The following HERC2 variants were observed in gnomAD, a reference collection of about 807,000 sequenced individuals.
The protein encoded by HERC2 is HECT and RLD domain containing E3 ubiquitin protein ligase 2.
Under a neutral mutation model 537.7 loss-of-function variants are expected in HERC2, and 102 were observed. The ratio of observed to expected loss-of-function variants is 0.19; its 90% CI spans 0.16 to 0.22. The LOEUF (loss-of-function observed/expected upper bound fraction) is 0.22. Ranked by LOEUF, HERC2 falls within the 10% of genes least tolerant of loss-of-function variation. The probability of loss-of-function intolerance (pLI) is 1.00; values close to 1 mark genes in which losing one functional copy is unlikely to be tolerated. For synonymous variants in HERC2, 2,224 were observed against 2,466.2 expected (o/e 0.90, Z 2.91); for missense variants, 4,236 against 6,198.2 (o/e 0.68, Z 10.63).
chr15:28,139,895 CT>C (rs1891024166), intron 78 of HERC2, among the ~76,000 whole-genome samples: 2 of 132,308 alleles, frequency 1.5e-5, no homozygotes, highest in African/African-American at 7.5e-5. Context: ...CCCATCTCTA[CT>C]AAAAAAAAAA....
In HERC2 at chr15:28,158,389, C is replaced by CT. The variant is rs534335049; in HGVS notation, c.10746+4704dup. Among the ~76,000 whole-genome samples the CT allele has an allele frequency of 4.9e-4, 74 of 152,276 alleles. No individual in the cohort carries two copies. The East Asian group carries it at 9.5e-3, about 19-fold the overall frequency. On this transcript the variant is annotated intron_variant, in intron 69 of 92. Transcript: ENST00000261609. ...GGAGTCGAAGTCTCTTTGTGGGTCT[C>CT]TAAGGACTTGCTTTATGAATCTGGG...
At chr15:28,240,374 C>T (rs910782740) in intron 23 of HERC2, among the ~76,000 whole-genome samples, 6 of 152,062 alleles carry the variant, frequency 3.9e-5, no homozygotes, top group Non-Finnish European at 7.4e-5. Context: ...GCTGAGATCA[C>T]GTCACTACAC....
At chr15:28,300,052 TAAA>T (rs34917808) in intron 2 of HERC2, among the ~76,000 whole-genome samples, 2 of 126,270 alleles carry the variant, frequency 1.6e-5, no homozygotes, top group African/African-American at 6.0e-5. Context: ...GACTCGGTGT[TAAA>T]AAAAAAAAAA....
At chr15:28,206,666 T>C (rs1476505682) in intron 44 of HERC2, among the ~76,000 whole-genome samples, 3 of 149,854 alleles carry the variant, frequency 2.0e-5, no homozygotes, top group Admixed American at 1.3e-4. Context: ...ACCCCATCTC[T>C]ACTAAAAATA....
chr15:28,220,242 T>C (rs1011946703), intron 37 of HERC2, among the ~76,000 whole-genome samples: 1 of 152,140 alleles, frequency 6.6e-6, no homozygotes, highest in African/African-American at 2.4e-5. Context: ...AGAAAGTCAG[T>C]TCCAGCCAGA....
At chr15:28,209,302 G>C (rs1339253424) in intron 44 of HERC2, among the ~76,000 whole-genome samples, 1 of 151,946 alleles carries the variant, frequency 6.6e-6, no homozygotes, top group Admixed American at 6.6e-5. Flanking sequence ...ATTTTAAAAA[G>C]AATAGCAATA....
Position 28,179,128 on chromosome 15 carries a change from T to C in HERC2, c.9019+14A>G, listed in dbSNP as rs1895580735. The C allele has an allele frequency of 1.0e-5, 16 of 1,605,176 alleles. No individual in the cohort carries two copies. The highest frequency in any genetic ancestry group is 2.2e-5 in the East Asian group (1 of 44,862). ...GCATAATTTAAAAATTTTTTAAGATTAGAATAATCATACCTGCAAACAAAC... is the reference window on the plus strand; with the variant it reads ...GCATAATTTAAAAATTTTTTAAGATCAGAATAATCATACCTGCAAACAAAC... On this transcript the variant is annotated intron_variant, in intron 58 of 92. Coordinates refer to ENST00000261609, the MANE Select transcript of HERC2 (RefSeq NM_004667.6).
chr15:28,271,391 G>A (rs936906101), intron 9 of HERC2, among the ~76,000 whole-genome samples: 4 of 152,240 alleles, frequency 2.6e-5, no homozygotes, highest in African/African-American at 9.6e-5. Context: ...GGCTGGGCAT[G>A]GTGGCTCACG....
chr15:28,313,959 A>G (rs1409597426), intron 2 of HERC2, among the ~76,000 whole-genome samples: 1 of 152,194 alleles, frequency 6.6e-6, no homozygotes, highest in Admixed American at 6.5e-5. Context: ...CCATGCTCTG[A>G]GCTGGAACCT....
Position 28,268,936 on chromosome 15 carries a change from A to T in HERC2, c.1446+312T>A, listed in dbSNP as rs2075644930. 6.6e-6 allele frequency among the ~76,000 whole-genome samples: 1 copy of T among 152,024 alleles called. No homozygotes were observed. Reference sequence around the variant, plus strand: ...ACATGCCACGTCCCAATTTGCCACTATCCCCACGAGGCCCAACTCCCTCAC... The same window carrying T: ...ACATGCCACGTCCCAATTTGCCACTTTCCCCACGAGGCCCAACTCCCTCAC... On this transcript the variant is annotated intron_variant, in intron 11 of 92. Coordinates refer to ENST00000261609, the MANE Select transcript of HERC2 (RefSeq NM_004667.6). The surrounding 1 kb of genome is among the most constrained non-coding windows in gnomAD (Gnocchi z 4.7).
rs745491212 is a variant in HERC2, at chr15:28,229,262, C to T, written c.5205G>A (p.Leu1735=). The change falls in exon 34 of 93, where the codon CTG becomes CTA. Residue 1735 remains leucine, a synonymous_variant. Coordinates refer to ENST00000261609, the MANE Select transcript of HERC2 (RefSeq NM_004667.6). ...GAATGTTCTGTACAGCCCAAGCGTA[C>T]AGCTTGCCAAAGGTGACTTCCAGCA... ...RMLLEVTFGK[L]YAWAVQNIRN... is the part of the protein sequence containing the mutation. The T allele has an allele frequency of 1.1e-5, 18 of 1,613,776 alleles. 1 individual carries two copies. In the South Asian group the frequency reaches 1.9e-4, roughly 17 times the overall value.
chr15:28,119,239 C>CA (rs979198745), intron 86 of HERC2, among the ~76,000 whole-genome samples: 14 of 150,794 alleles, frequency 9.3e-5, no homozygotes, highest in African/African-American at 3.2e-4. Context: ...ACTAAAAATA[C>CA]AAAAAAAAAA....
intron 85 of HERC2, among the ~76,000 whole-genome samples, chr15:28,121,725 C>A (rs1888912477): frequency 6.6e-6 from 1 of 152,214 alleles, no homozygotes; most frequent in Non-Finnish European, 1.5e-5. Context: ...ACACAGGGCA[C>A]AGAACAGGGA....
chr15:28,124,318 C>T, intron 84 of HERC2, 84 bp from the exon 85 acceptor site: 1 of 917,040 alleles, frequency 1.1e-6, no homozygotes. Flanking sequence ...ATTCTGAAAA[C>T]AATTGTTTCA....
At chr15:28,290,245 G>A (rs1312292100) in intron 4 of HERC2, among the ~76,000 whole-genome samples, 1 of 152,112 alleles carries the variant, frequency 6.6e-6, no homozygotes, top group African/African-American at 2.4e-5. Context: ...TTCAAGTCAA[G>A]GATACCTGAA....
intron 2 of HERC2, among the ~76,000 whole-genome samples, chr15:28,305,247 G>A (rs1335528933): frequency 1.3e-5 from 2 of 151,382 alleles, no homozygotes; most frequent in Non-Finnish European, 2.9e-5. Flanking sequence ...GGGATGGCTG[G>A]GTCAAATGGT....
intron 78 of HERC2, among the ~76,000 whole-genome samples, chr15:28,140,898 A>C (rs928535835): frequency 3.3e-5 from 5 of 152,114 alleles, no homozygotes; most frequent in Admixed American, 2.0e-4. Context: ...TGTGCAAATA[A>C]AAATTGTAAT....
chr15:28,230,257 C>G (rs1901685938), intron 31 of HERC2, 110 bp downstream of exon 31: 1 of 1,105,098 alleles, frequency 9.0e-7, no homozygotes, highest in African/African-American at 1.6e-5. Context: ...GGCCATGTTT[C>G]TAACAACCGC....
At chr15:28,292,252 A>C (rs1281571183) in intron 4 of HERC2, among the ~76,000 whole-genome samples, 1 of 151,316 alleles carries the variant, frequency 6.6e-6, no homozygotes, top group South Asian at 2.1e-4. Flanking sequence ...AAAAAAAAAA[A>C]ACCAGGCAAA....
Sources: allele counts gnomAD v4.1 joint callset (sites outside exome capture counted in the v4.1 genomes callset), GRCh38; gene constraint gnomAD v4.1.1; non-coding constraint Gnocchi (gnomAD v3.1); transcripts MANE v1.5; gene names NCBI Gene and HGNC (gene_info 2026-07-23, HGNC 2026-07-21).